The following UQCRC2 variants were observed in gnomAD, a reference collection of about 807,000 sequenced individuals.
The protein encoded by UQCRC2 is ubiquinol-cytochrome c reductase core protein 2.
Under a neutral mutation model 55.6 loss-of-function variants are expected in UQCRC2, and 49 were observed. The observed-to-expected ratio is 0.88, with a 90% CI of 0.70 to 1.12. UQCRC2 has a LOEUF of 1.12. Ranked by LOEUF, UQCRC2 falls within the 50% of genes most tolerant of loss-of-function variation. The probability of loss-of-function intolerance (pLI) is 0.00; values close to 1 mark genes in which losing one functional copy is unlikely to be tolerated. For missense variants in UQCRC2, 506 were observed against 547.8 expected, an observed-to-expected ratio of 0.92 and a Z score of 0.76; for synonymous variants, 193 against 192.0, an observed-to-expected ratio of 1.01 and a Z score of -0.04.
intron 11 of UQCRC2, among the ~76,000 whole-genome samples, chr16:21,974,788 G>C (rs1158827071): frequency 3.3e-5 from 5 of 152,206 alleles, no homozygotes; most frequent in Admixed American, 3.3e-4. Flanking sequence ...TCAAGTCTGA[G>C]AAAGGAATAC....
At chr16:21,964,029 G>C (rs1258289345) in intron 6 of UQCRC2, among the ~76,000 whole-genome samples, 1 of 152,212 alleles carries the variant, frequency 6.6e-6, no homozygotes, top group South Asian at 2.1e-4. Flanking sequence ...TGACTCTTGG[G>C]AGTCATACAA....
rs762721796 is a variant in UQCRC2, at chr16:21,957,480, A to G, written c.181A>G (p.Ile61Val). 11 of 1,614,158 alleles carry G rather than the reference A, an allele frequency of 6.8e-6. No individual in the cohort carries two copies. Among genetic ancestry groups the G allele is most frequent in the Non-Finnish European group, 7.6e-6 (9 of 1,180,020 alleles). ...SLENYSPVSR[I>V]GLFIKAGSRY... ...GGAAAACTATTCTCCTGTATCAAGAATTGGTTTGTTCATTAAAGCAGGCAG... is the reference window on the plus strand; with the variant it reads ...GGAAAACTATTCTCCTGTATCAAGAGTTGGTTTGTTCATTAAAGCAGGCAG... Residue 61 changes from isoleucine (I) to valine (V), a missense_variant, in exon 3 of 14, where the codon ATT (isoleucine) becomes GTT (valine). Ile to Val is a conservative substitution (Grantham distance 29). Transcript: ENST00000268379.
chr16:21,958,829 T>C (rs1370062546), intron 4 of UQCRC2, among the ~76,000 whole-genome samples: 1 of 152,168 alleles, frequency 6.6e-6, no homozygotes, highest in Non-Finnish European at 1.5e-5. Flanking sequence ...CTCAGAGATG[T>C]TGCAGGTTCT....
Position 21,973,884 on chromosome 16 carries a change from A to G in UQCRC2, c.967-12A>G. 1 of 1,611,526 alleles carries G rather than the reference A, an allele frequency of 6.2e-7. No homozygotes were observed. The highest frequency in any genetic ancestry group is 2.2e-5 in the East Asian group (1 of 44,830). ...GTAGAATATCATACAGTAAAGTCTC[A>G]TTATCTTTCAGGTTTCTGCATTTAA... On this transcript the variant is annotated splice_polypyrimidine_tract_variant and intron_variant, in intron 10 of 13. Coordinates refer to ENST00000268379, the MANE Select transcript of UQCRC2 (RefSeq NM_003366.4).
chr16:21,983,094 A>G lies in UQCRC2; in HGVS notation c.1285A>G (p.Lys429Glu), dbSNP rs1045051278. The G allele has an allele frequency of 6.2e-7, 1 of 1,613,516 alleles. No homozygotes were observed. Among genetic ancestry groups the G allele is most frequent in the Non-Finnish European group, 8.5e-7 (1 of 1,179,900 alleles). The change falls in exon 14 of 14, where the codon AAG (lysine) becomes GAG (glutamate). Residue 429 changes from lysine (K) to glutamate (E), a missense_variant. Lys to Glu is a moderately conservative substitution (Grantham distance 56). Coordinates refer to ENST00000268379, the MANE Select transcript of UQCRC2 (RefSeq NM_003366.4). ...TTTGTTTGTTTCTTTAAAGGCGGCA[A>G]AGAAGTTTGTTTCTGGCCAGAAGTC... ...VANADIINAA[K>E]KFVSGQKSMA...
In UQCRC2 at chr16:21,962,520, A is replaced by T; in HGVS notation, c.389+4A>T. On this transcript the variant is annotated splice_donor_region_variant and intron_variant, in intron 5 of 13. Transcript: ENST00000268379. ...TGGAATGCCTGCGGGGTGATGTGTA[A>T]GTACCTGTGTGTGTTTAGGACTTCT... 1 of 1,614,168 alleles carries T rather than the reference A, an allele frequency of 6.2e-7. No individual in the cohort carries two copies. Among genetic ancestry groups the T allele is most frequent in the South Asian group, 1.1e-5 (1 of 91,088 alleles).
In UQCRC2 at chr16:21,962,294, A is replaced by G. The variant is rs1241185079; in HGVS notation, c.333-166A>G. 1.6e-5 allele frequency: 12 copies of G among 745,954 alleles called. No individual in the cohort carries two copies. In the Admixed American group the frequency reaches 3.2e-4, roughly 20 times the overall value. The allele number at this position is 745,954 out of a possible 1,614,324, so 46.2% of individuals were successfully genotyped here. On this transcript the variant is annotated intron_variant, in intron 4 of 13. Transcript: ENST00000268379. ...TGAATTATTTGCTGGTTTTTAAAAA[A>G]ATTTTGAATTTTAGTTGGTTAATAT... is the stretch of plus-strand genomic sequence containing the variant.
chr16:21,961,400 C>T (rs1898194978), intron 4 of UQCRC2: 1 of 377,718 alleles, frequency 2.6e-6, no homozygotes, highest in Non-Finnish European at 5.5e-6. Context: ...TAGATCCATA[C>T]GTCAACATAG....
intron 1 of UQCRC2, among the ~76,000 whole-genome samples, chr16:21,956,763 T>C (rs183964897): frequency 6.6e-6 from 1 of 152,198 alleles, no homozygotes; most frequent in Admixed American, 6.5e-5. Flanking sequence ...AGTAAGTCCA[T>C]AATAAGTTAT....
At chr16:21,968,473 C>T in intron 7 of UQCRC2, 155 bp from the exon 8 acceptor site, 1 of 502,046 alleles carries the variant, frequency 2.0e-6, no homozygotes, top group Non-Finnish European at 3.4e-6. Flanking sequence ...TAATAAAATC[C>T]CAGGGTAATT....
At chr16:21,963,512 A>T (rs1449425790) in intron 6 of UQCRC2, among the ~76,000 whole-genome samples, 1 of 152,010 alleles carries the variant, frequency 6.6e-6, no homozygotes. Flanking sequence ...CTTGTTGCCC[A>T]GGCTGGAGTG....
intron 4 of UQCRC2, among the ~76,000 whole-genome samples, chr16:21,960,704 G>A (rs552899204): frequency 6.6e-5 from 10 of 152,172 alleles, no homozygotes; most frequent in African/African-American, 1.7e-4. Context: ...GGCCATTGTC[G>A]GGTTATTCAT....
chr16:21,962,170 A>G (rs1218651538), intron 4 of UQCRC2: 1 of 355,500 alleles, frequency 2.8e-6, no homozygotes, highest in African/African-American at 2.1e-5. Context: ...AGAATCATAC[A>G]ATATTTGTCC....
intron 13 of UQCRC2, among the ~76,000 whole-genome samples, chr16:21,982,765 G>C (rs1404448791): frequency 6.6e-6 from 1 of 152,098 alleles, no homozygotes; most frequent in Non-Finnish European, 1.5e-5. Context: ...AGGAGTTTGA[G>C]ACCAGCCTGG....
chr16:21,968,356 A>G (rs542443754), intron 7 of UQCRC2: 145 of 253,012 alleles, frequency 5.7e-4, no homozygotes, highest in Non-Finnish European at 8.7e-4. Flanking sequence ...TCACCATACT[A>G]TACAACCTAT....
chr16:21,971,420 AGTGT>A (rs1001642570), intron 8 of UQCRC2, 101 bp from the exon 9 acceptor site: 8 of 877,776 alleles, frequency 9.1e-6, no homozygotes, highest in Non-Finnish European at 1.2e-5. Context: ...TTTATTTTGT[AGTGT>A]TAGGATTTTA....
chr16:21,958,738 A>G, intron 4 of UQCRC2, 139 bp downstream of exon 4: 1 of 714,982 alleles, frequency 1.4e-6, no homozygotes, highest in African/African-American at 1.8e-5. Flanking sequence ...TGAGTATATC[A>G]AACTGTAAAA....
chr16:21,963,678 A>G (rs1341870790), intron 6 of UQCRC2, among the ~76,000 whole-genome samples: 1 of 151,906 alleles, frequency 6.6e-6, no homozygotes, highest in Non-Finnish European at 1.5e-5. Flanking sequence ...TCTATTGCCC[A>G]GGCTGGTCTC....
chr16:21,955,479 C>A (rs1898072959), intron 1 of UQCRC2, among the ~76,000 whole-genome samples: 1 of 152,218 alleles, frequency 6.6e-6, no homozygotes, highest in Non-Finnish European at 1.5e-5. Context: ...ATTTTATTCA[C>A]TCATCATCTC....
Sources: allele counts gnomAD v4.1 joint callset (sites outside exome capture counted in the v4.1 genomes callset), GRCh38; gene constraint gnomAD v4.1.1; transcripts MANE v1.5; gene names NCBI Gene and HGNC (gene_info 2026-07-23, HGNC 2026-07-21).